STXBP3: variants seen among roughly 807,000 people sequenced by gnomAD.
STXBP3 encodes syntaxin binding protein 3.
A neutral mutation model predicts 85.7 loss-of-function variants in STXBP3; 41 were observed. The ratio of observed to expected loss-of-function variants is 0.48; its 90% confidence interval spans 0.37 to 0.62. STXBP3 has a LOEUF of 0.62. Among genes scored for constraint, STXBP3 ranks in the 20% least tolerant of loss-of-function variants. The pLI, the probability that STXBP3 is intolerant of heterozygous loss-of-function variation, is 0.00. For missense variants in STXBP3, 563 were observed against 703.1 expected, an observed-to-expected ratio of 0.80 and a Z score of 2.25; for synonymous variants, 229 against 231.7, an observed-to-expected ratio of 0.99 and a Z score of 0.10.
chr1:108,781,755 C>T (rs2101123609), intron 9 of STXBP3: 1 of 152,384 alleles, frequency 6.6e-6, no homozygotes, highest in East Asian at 1.9e-4. Context: ...GTCACTCAGG[C>T]TGGAGTGCAG....
intron 6 of STXBP3, chr1:108,766,830 T>C: frequency 2.8e-6 from 1 of 353,734 alleles, no homozygotes; most frequent in South Asian, 2.8e-5. Context: ...ATCATGCCCT[T>C]TTAGTTGCTT....
intron 7 of STXBP3, among the ~76,000 whole-genome samples, 160 bp from the exon 8 acceptor site, chr1:108,776,173 T>G (rs1343018539): frequency 6.6e-6 from 1 of 152,136 alleles, no homozygotes; most frequent in Non-Finnish European, 1.5e-5. Context: ...CGATATAAGA[T>G]TATTTGATAC....
Position 108,808,910 on chromosome 1 carries a change from T to G in STXBP3, c.*33T>G, listed in dbSNP as rs761400757. The G allele has an allele frequency of 5.6e-6, 8 of 1,430,298 alleles. No homozygotes were observed. The Admixed American group carries it at 1.7e-4, about 30-fold the overall frequency. 88.6% of individuals were successfully genotyped at this position (1,430,298 alleles called of 1,614,324 possible). ...TTTTGGAGGGTTTAGAGATTCTTACTAATATGTTGAACTAAAATAGAAAGA... is the reference window on the plus strand; with the variant it reads ...TTTTGGAGGGTTTAGAGATTCTTACGAATATGTTGAACTAAAATAGAAAGA... On this transcript the variant is annotated 3_prime_UTR_variant, in exon 19 of 19. Coordinates refer to ENST00000370008, the MANE Select transcript of STXBP3 (RefSeq NM_007269.4).
In STXBP3 at chr1:108,772,786, C is replaced by T; in HGVS notation, c.560C>T (p.Thr187Ile). 6.3e-7 allele frequency: 1 copy of T among 1,598,194 alleles called. No individual in the cohort carries two copies. The highest frequency in any genetic ancestry group is 8.5e-7 in the Non-Finnish European group (1 of 1,171,604). ...MADQIVTVCA[T>I]LDENPGVRYK... is the part of the protein sequence containing the mutation. ...GACCAGATAGTTACAGTGTGTGCCA[C>T]CTTGGATGAAAATCCCGGAGTAAGA... Residue 187 changes from threonine to isoleucine, a missense_variant, in exon 7 of 19, where the codon ACC (threonine) becomes ATC (isoleucine). Physicochemically the swap from Thr to Ile is moderately conservative, Grantham distance 89. Transcript: ENST00000370008.
chr1:108,756,792 C>T, intron 4 of STXBP3, 26 bp downstream of exon 4: 1 of 1,515,578 alleles, frequency 6.6e-7, no homozygotes, highest in East Asian at 2.3e-5. Flanking sequence ...CCTTAAAAAG[C>T]AGGTTCATCA....
Position 108,793,564 on chromosome 1 carries a change from A to G in STXBP3, c.964-18A>G, listed in dbSNP as rs1663023676. The G allele has an allele frequency of 6.2e-7, 1 of 1,606,126 alleles. No individual in the cohort carries two copies. The highest frequency in any genetic ancestry group is 1.1e-5 in the South Asian group (1 of 89,894). ...CTGAATCATAGGCTTGCCTAAAAAA[A>G]TGTTTGATTTTTCCTAGACATCACT... On this transcript the variant is annotated intron_variant, in intron 11 of 18. Transcript: ENST00000370008.
intron 3 of STXBP3, among the ~76,000 whole-genome samples, chr1:108,753,404 C>CATAT (rs3051072): frequency 1.5e-4 from 23 of 150,236 alleles, no homozygotes; most frequent in East Asian, 9.7e-4. Context: ...CTCATATATA[C>CATAT]ATATATATAT....
chr1:108,796,702 C>T lies in STXBP3; in HGVS notation c.1332C>T (p.Tyr444=), dbSNP rs751661218. ...GTGACATGATTCGTAACTGGAGTTA[C>T]CTTGGTGTTCCCATTGTTCCCCAAG... ...NESDMIRNWS[Y]LGVPIVPQSQ... Residue 444 remains tyrosine, a synonymous_variant, in exon 15 of 19, where the codon TAC becomes TAT. Coordinates refer to ENST00000370008, the MANE Select transcript of STXBP3 (RefSeq NM_007269.4). 1.2e-6 allele frequency: 2 copies of T among 1,613,402 alleles called. No individual in the cohort carries two copies.
At chr1:108,800,330 T>G (rs1218128860) in intron 17 of STXBP3, 25 bp downstream of exon 17, 1 of 1,535,580 alleles carries the variant, frequency 6.5e-7, no homozygotes, top group Non-Finnish European at 9.0e-7. Flanking sequence ...TGAAAATCAA[T>G]GAAATTTTCA....
chr1:108,798,122 T>C, intron 15 of STXBP3, 23 bp from the exon 16 acceptor site: 2 of 1,560,564 alleles, frequency 1.3e-6, no homozygotes, highest in Non-Finnish European at 1.7e-6. Flanking sequence ...TGGTTTTTAA[T>C]TTTTTTCCTC....
rs1557814607 is a variant in STXBP3, at chr1:108,796,710, T to A, written c.1340T>A (p.Val447Asp). ...DMIRNWSYLG[V>D]PIVPQSQQGK... ...ATTCGTAACTGGAGTTACCTTGGTG[T>A]TCCCATTGTTCCCCAAGTAAGAAGT... is the stretch of plus-strand genomic sequence containing the variant. The change falls in exon 15 of 19, where the codon GTT becomes GAT. Residue 447 changes from valine (V) to aspartate (D), a missense_variant. Coordinates refer to ENST00000370008, the MANE Select transcript of STXBP3 (RefSeq NM_007269.4). 1 of 1,613,430 alleles carries A rather than the reference T, an allele frequency of 6.2e-7. No homozygotes were observed. The highest frequency in any genetic ancestry group is 1.1e-5 in the South Asian group (1 of 90,994).
At chr1:108,784,387 A>G (rs943061615) in intron 11 of STXBP3, among the ~76,000 whole-genome samples, 1 of 152,224 alleles carries the variant, frequency 6.6e-6, no homozygotes, top group Non-Finnish European at 1.5e-5. Context: ...CACAGGGAGA[A>G]TGAGTGCCAA....
chr1:108,751,795 A>G (rs1264576271), intron 1 of STXBP3, among the ~76,000 whole-genome samples: 1 of 152,156 alleles, frequency 6.6e-6, no homozygotes, highest in Non-Finnish European at 1.5e-5. Context: ...GAATATTGGT[A>G]TCCAAATGCT....
At position 108,794,215 on chromosome 1, in the gene STXBP3, C is replaced by T. The variant is rs576075288; in HGVS notation, c.1029+568C>T. Among the ~76,000 whole-genome samples the T allele has an allele frequency of 2.0e-5, 3 of 152,296 alleles. No homozygotes were observed. The East Asian group carries it at 5.8e-4, about 29-fold the overall frequency. ...TTTTTCATTACTGTCAAACTCAACACAAATTCAACAATTCAATGCTTCCAT... is the reference window on the plus strand; with the variant it reads ...TTTTTCATTACTGTCAAACTCAACATAAATTCAACAATTCAATGCTTCCAT... On this transcript the variant is annotated intron_variant, in intron 12 of 18. Coordinates refer to ENST00000370008, the MANE Select transcript of STXBP3 (RefSeq NM_007269.4).
chr1:108,807,715 T>TA (rs977997991), intron 18 of STXBP3, among the ~76,000 whole-genome samples, 166 bp downstream of exon 18: 2 of 152,046 alleles, frequency 1.3e-5, no homozygotes, highest in African/African-American at 4.8e-5. Flanking sequence ...TAGCTGGAAT[T>TA]ACAGGTGTCT....
In STXBP3 at chr1:108,782,525, A is replaced by G. The variant is rs767663898; in HGVS notation, c.905+8A>G. The G allele has an allele frequency of 3.1e-6, 5 of 1,611,208 alleles. No individual in the cohort carries two copies. The highest frequency in any genetic ancestry group is 4.2e-6 in the Non-Finnish European group (5 of 1,178,882). On this transcript the variant is annotated splice_region_variant and intron_variant, in intron 10 of 18. Transcript: ENST00000370008. ...TATTGCGGTTGTGTTAGAGTATGTG[A>G]ACTCATTTTAATTTTTGTTCCATAA...
chr1:108,772,883 A>G (rs1662499979), intron 7 of STXBP3, 64 bp downstream of exon 7: 1 of 1,395,900 alleles, frequency 7.2e-7, no homozygotes, highest in South Asian at 1.8e-5. Flanking sequence ...GAGGTAAGTA[A>G]TGTGTCTGTA....
Position 108,782,711 on chromosome 1 carries a change from G to A in STXBP3, c.963+5G>A, listed in dbSNP as rs962873230. 6.9e-6 allele frequency: 11 copies of A among 1,596,712 alleles called. No homozygotes were observed. The highest frequency in any genetic ancestry group is 9.4e-6 in the Non-Finnish European group (11 of 1,173,848). ...AAGAAAGCAACAGAAGGAAAGGTAA[G>A]AGTCTTACTTAACTTTCAAAGTAAT... is the stretch of plus-strand genomic sequence containing the variant. On this transcript the variant is annotated splice_donor_5th_base_variant and intron_variant, in intron 11 of 18. Transcript: ENST00000370008.
chr1:108,772,577 T>A (rs1447284533), intron 6 of STXBP3, 88 bp from the exon 7 acceptor site: 1 of 476,930 alleles, frequency 2.1e-6, no homozygotes, highest in East Asian at 9.6e-5. Context: ...CTATATAATA[T>A]ATACATTATA....
Sources: gnomAD v4.1 joint callset for allele counts (sites outside exome capture counted in the v4.1 genomes callset) on GRCh38, gnomAD v4.1.1 for gene constraint, MANE v1.5 for transcripts, NCBI Gene and HGNC (gene_info 2026-07-23, HGNC 2026-07-21) for gene names.